Variants in GRM5 observed in about 807,000 individuals in gnomAD.
GRM5 encodes glutamate metabotropic receptor 5, also known as metabotropic glutamate receptor 5.
In GRM5, 19 loss-of-function variants were observed where a neutral mutation model predicts 83.1. The observed-to-expected ratio is 0.23, with a 90% CI of 0.16 to 0.34. GRM5 has a LOEUF of 0.34. GRM5 is among the 10% of genes least tolerant of loss of function. GRM5 has a pLI of 1.00. For missense variants in GRM5, 1,160 were observed against 1,588.3 expected (o/e 0.73, Z 4.58); for synonymous variants, 675 against 633.6 (o/e 1.07, Z -0.98).
chr11:89,059,550 CTTTG>C (rs145794340), intron 1 of GRM5, among the ~76,000 whole-genome samples: 7,598 of 152,036 alleles, frequency 0.05, 316 homozygotes, highest in African/African-American at 0.11. Context: ...GCTTTGTCAC[CTTTG>C]TTTGTACTGT....
chr11:88,514,677 A>AC (rs796139081), intron 9 of GRM5, among the ~76,000 whole-genome samples: 167 of 152,326 alleles, frequency 1.1e-3, no homozygotes, highest in African/African-American at 3.9e-3. Flanking sequence ...CTGTGGAAAA[A>AC]AAAAGACTTT....
At chr11:88,724,005 T>G (rs1941612201) in intron 3 of GRM5, among the ~76,000 whole-genome samples, 1 of 152,202 alleles carries the variant, frequency 6.6e-6, no homozygotes, top group Non-Finnish European at 1.5e-5. Flanking sequence ...CAATAGGTAC[T>G]GAGAATGCCC....
chr11:89,061,785 G>C (rs369136174), intron 1 of GRM5, among the ~76,000 whole-genome samples: 1 of 152,146 alleles, frequency 6.6e-6, no homozygotes, highest in Admixed American at 6.5e-5. Context: ...AAATCATCTC[G>C]ACACATCCTT....
intron 1 of GRM5, among the ~76,000 whole-genome samples, chr11:89,059,631 G>A (rs540084): frequency 0.91 from 138,806 of 152,174 alleles, 63,319 homozygotes; most frequent in Middle Eastern, 0.95. Flanking sequence ...ATAAAATAAA[G>A]ATAAGACACA....
chr11:88,792,048 T>A (rs1943183968), intron 3 of GRM5, among the ~76,000 whole-genome samples: 1 of 152,102 alleles, frequency 6.6e-6, no homozygotes, highest in African/African-American at 2.4e-5. Flanking sequence ...GGAGAGCATG[T>A]TAGTCAGAAT....
intron 4 of GRM5, among the ~76,000 whole-genome samples, chr11:88,640,091 A>G (rs887898539): frequency 3.3e-5 from 5 of 152,278 alleles, no homozygotes; most frequent in African/African-American, 1.2e-4. Flanking sequence ...TGCTGACTCC[A>G]ACGTGGACAA....
At chr11:88,870,697 C>A (rs190893439) in intron 2 of GRM5, among the ~76,000 whole-genome samples, 2 of 151,476 alleles carry the variant, frequency 1.3e-5, no homozygotes, top group East Asian at 1.9e-4. Flanking sequence ...TGGATTACCA[C>A]AAGGAATCTA....
intron 4 of GRM5, among the ~76,000 whole-genome samples, chr11:88,628,316 C>T (rs190421294): frequency 3.1e-4 from 47 of 152,266 alleles, no homozygotes; most frequent in Admixed American, 5.2e-4. Context: ...TTCTTGGCCT[C>T]CTCTCTTGTA....
At chr11:88,840,518 T>C (rs764456282) in intron 3 of GRM5, among the ~76,000 whole-genome samples, 43 of 152,224 alleles carry the variant, frequency 2.8e-4, no homozygotes, top group Middle Eastern at 3.2e-3. Flanking sequence ...ATTTCCTTGA[T>C]TGGCTCTATC....
Position 88,923,352 on chromosome 11 carries a change from G to A in GRM5, c.662-73197C>T, listed in dbSNP as rs559136133. Among the ~76,000 whole-genome samples the A allele has an allele frequency of 4.6e-5, 7 of 152,218 alleles. No individual in the cohort carries two copies. The East Asian group carries it at 1.4e-3, about 29-fold the overall frequency. On this transcript the variant is annotated intron_variant, in intron 2 of 9. Coordinates refer to ENST00000305447, the MANE Select transcript of GRM5 (RefSeq NM_001143831.3). ...AGGCAAATGTAGCGCATATACACAA[G>A]ATAGCACTATTCAGGCATAAAAAAA... is the stretch of plus-strand genomic sequence containing the variant.
chr11:88,763,831 G>A (rs1261051616), intron 3 of GRM5, among the ~76,000 whole-genome samples: 1 of 151,192 alleles, frequency 6.6e-6, no homozygotes, highest in African/African-American at 2.4e-5. Context: ...GAAAATGAGG[G>A]CATATAGAAA....
At chr11:89,004,034 C>T (rs1310274126) in intron 2 of GRM5, among the ~76,000 whole-genome samples, 1 of 152,068 alleles carries the variant, frequency 6.6e-6, no homozygotes, top group African/African-American at 2.4e-5. Context: ...GAAGGGTAGG[C>T]AAGATCAATA....
intron 2 of GRM5, among the ~76,000 whole-genome samples, chr11:89,005,272 T>C (rs928710452): frequency 6.6e-6 from 1 of 152,216 alleles, no homozygotes; most frequent in African/African-American, 2.4e-5. Context: ...TAAGCAGAAG[T>C]TGACAAATTT....
Position 88,653,169 on chromosome 11 carries a change from A to T in GRM5, c.1146T>A (p.Asn382Lys). 6.5e-7 allele frequency: 1 copy of T among 1,549,364 alleles called. No individual in the cohort carries two copies. The highest frequency in any genetic ancestry group is 8.9e-7 in the Non-Finnish European group (1 of 1,121,538). ...QENSKYNKTCNSSLTLKTHHV... is the reference protein window; with the variant it reads ...QENSKYNKTCKSSLTLKTHHV... ...AAATGAAATAATAAATCTGCTTACT[A>T]TTGCAAGTCTTGTTGTATTTGCTGT... The change falls in exon 4 of 10, where the codon AAT (asparagine) becomes AAA (lysine). Residue 382 changes from asparagine to lysine, a missense_variant and splice_region_variant. Around this residue, in one of 9 missense-constraint regions of GRM5, gnomAD observed 132 missense variants for 197.6 expected, o/e 0.67. Coordinates refer to ENST00000305447, the MANE Select transcript of GRM5 (RefSeq NM_001143831.3).
chr11:88,926,055 A>G, intron 2 of GRM5, among the ~76,000 whole-genome samples: 1 of 152,190 alleles, frequency 6.6e-6, no homozygotes, highest in African/African-American at 2.4e-5. Context: ...TCCTGTAAAT[A>G]CAAATGTCCA....
At chr11:89,056,299 T>C (rs1941872485) in intron 1 of GRM5, among the ~76,000 whole-genome samples, 1 of 152,162 alleles carries the variant, frequency 6.6e-6, no homozygotes, top group African/African-American at 2.4e-5. Context: ...CTATCCAATA[T>C]TCTTTCTGTG....
chr11:89,014,370 A>G (rs767055924), intron 2 of GRM5, among the ~76,000 whole-genome samples: 1 of 152,150 alleles, frequency 6.6e-6, no homozygotes, highest in Non-Finnish European at 1.5e-5. Flanking sequence ...GCTCATCATA[A>G]AAGCACAAAG....
intron 3 of GRM5, among the ~76,000 whole-genome samples, chr11:88,786,300 T>C (rs915587222): frequency 6.6e-6 from 1 of 152,078 alleles, no homozygotes; most frequent in East Asian, 1.9e-4. Context: ...CAATAAGTCA[T>C]TGTTGACATT....
chr11:89,026,763 T>C (rs1435221003), intron 2 of GRM5, among the ~76,000 whole-genome samples: 2 of 152,216 alleles, frequency 1.3e-5, no homozygotes, highest in Non-Finnish European at 2.9e-5. Flanking sequence ...TTTCTTTACC[T>C]TTAAATGGAA....
Sources: gnomAD v4.1 joint callset for allele counts (sites outside exome capture counted in the v4.1 genomes callset) on GRCh38, gnomAD v4.1.1 for gene constraint, gnomAD v4.1.1 regional missense constraint, MANE v1.5 for transcripts, NCBI Gene and HGNC (gene_info 2026-07-23, HGNC 2026-07-21) for gene names.